The following NT5C3B variants were observed in gnomAD, a reference collection of about 807,000 sequenced individuals.
The protein encoded by NT5C3B is 5'-nucleotidase, cytosolic IIIB, also known as 7-methylguanosine phosphate-specific 5'-nucleotidase.
Under a neutral mutation model 32.5 loss-of-function variants are expected in NT5C3B, and 28 were observed. The ratio of observed to expected loss-of-function variants is 0.86; its 90% CI spans 0.64 to 1.18. NT5C3B has a LOEUF of 1.18. Among genes scored for constraint, NT5C3B ranks in the 50% most tolerant of loss-of-function variants. The pLI is 0.00. For synonymous variants in NT5C3B, 138 were observed against 118.0 expected (o/e 1.17, Z -1.10); for missense variants, 317 against 322.0 (o/e 0.98, Z 0.12).
rs182837457 is a variant in NT5C3B, at chr17:41,833,945, C to G, written c.228+1125G>C. ...ATTGACCAAGTAAAGAATTTTAATA[C>G]ATGCATGATTCTCAGGAACATTACA... is the stretch of plus-strand genomic sequence containing the variant. On this transcript the variant is annotated intron_variant, in intron 4 of 8. Coordinates refer to ENST00000435506, the MANE Select transcript of NT5C3B (RefSeq NM_052935.5). 1.4e-3 allele frequency among the ~76,000 whole-genome samples: 208 copies of G among 152,304 alleles called. 1 individual carries two copies. The highest frequency in any genetic ancestry group is 4.5e-3 in the African/African-American group (189 of 41,564).
In NT5C3B at chr17:41,835,721, C is replaced by G; in HGVS notation, c.111+138G>C. 3.3e-6 allele frequency: 3 copies of G among 910,666 alleles called. No individual in the cohort carries two copies. In the South Asian group the frequency reaches 4.2e-5, roughly 13 times the overall value. The allele number at this position is 910,666 out of a possible 1,614,324, so 56.4% of individuals were successfully genotyped here. A position where few individuals can be genotyped will look rare whatever the true frequency, so the allele number is the denominator to read the frequency against. Reference sequence around the variant, plus strand: ...TTTAGGACAGGCGAACCAACCCGCTCTCCTTCAAGCTCCCGGCCATTTCTT... The same window carrying G: ...TTTAGGACAGGCGAACCAACCCGCTGTCCTTCAAGCTCCCGGCCATTTCTT... On this transcript the variant is annotated intron_variant, in intron 2 of 8. Transcript: ENST00000435506.
At chr17:41,826,312 C>T (rs1206459181) in intron 8 of NT5C3B, among the ~76,000 whole-genome samples, 1 of 152,012 alleles carries the variant, frequency 6.6e-6, no homozygotes, top group Non-Finnish European at 1.5e-5. Context: ...CAGCTTCAAC[C>T]TCCTGGACTC....
Position 41,834,780 on chromosome 17 carries a change from G to A in NT5C3B, c.228+290C>T, listed in dbSNP as rs929627318. Among the ~76,000 whole-genome samples the A allele has an allele frequency of 2.6e-5, 4 of 152,228 alleles. No individual in the cohort carries two copies. In the South Asian group the frequency reaches 8.3e-4, roughly 32 times the overall value. ...AACAAACAAACAAGCTCTGCCATTT[G>A]GCTGTATGACCCTGGGTAAGTTGCT... On this transcript the variant is annotated intron_variant, in intron 4 of 8. Transcript: ENST00000435506.
intron 2 of NT5C3B, chr17:41,835,590 G>A (rs1206725932): frequency 3.1e-6 from 2 of 655,470 alleles, no homozygotes; most frequent in South Asian, 1.5e-5. Context: ...CAACTTACTG[G>A]GGAGCCGCTG....
intron 1 of NT5C3B, 90 bp from the exon 2 acceptor site, chr17:41,836,047 G>A: frequency 7.1e-7 from 1 of 1,413,544 alleles, no homozygotes. Flanking sequence ...GTGTGAGGCG[G>A]GGCCGGGGTG....
chr17:41,836,016 C>T (rs1044537430), intron 1 of NT5C3B, 59 bp from the exon 2 acceptor site: 8 of 1,467,144 alleles, frequency 5.5e-6, no homozygotes, highest in African/African-American at 1.5e-5. Flanking sequence ...CGAGGGGAGC[C>T]CGGGGCTCGC....
intron 8 of NT5C3B, 113 bp downstream of exon 8, chr17:41,827,313 T>A (rs537769428): frequency 2.1e-6 from 1 of 483,006 alleles, no homozygotes; most frequent in East Asian, 3.5e-5. Context: ...AAAAATAAAA[T>A]AAAATAAAAT....
chr17:41,826,929 G>A (rs561148303), intron 8 of NT5C3B, among the ~76,000 whole-genome samples: 24 of 150,484 alleles, frequency 1.6e-4, no homozygotes, highest in African/African-American at 5.4e-4. Context: ...GAACCTGGGA[G>A]GTGGAAGTTG....
intron 7 of NT5C3B, chr17:41,828,400 T>G (rs2047999320): frequency 6.0e-6 from 1 of 166,260 alleles, no homozygotes; most frequent in Non-Finnish European, 1.3e-5. Flanking sequence ...TGCAGTGGTG[T>G]GATCTTGGCT....
At position 41,835,216 on chromosome 17, in the gene NT5C3B, G is replaced by A. The variant is rs2048126310; in HGVS notation, c.168C>T (p.Cys56=). 1 of 1,614,070 alleles carries A rather than the reference G, an allele frequency of 6.2e-7. No individual in the cohort carries two copies. The highest frequency in any genetic ancestry group is 8.5e-7 in the Non-Finnish European group (1 of 1,179,942). ...LSRFAYNGKR[C]PSSYNILDNS... is the part of the protein sequence containing the mutation. ...AATGTGACTTACTGTAAGAAGAAGGGCATCGCTTTCCATTATATGCAAACC... is the reference window on the plus strand; with the variant it reads ...AATGTGACTTACTGTAAGAAGAAGGACATCGCTTTCCATTATATGCAAACC... Residue 56 remains cysteine, a synonymous_variant, in exon 3 of 9, where the codon TGC becomes TGT. Transcript: ENST00000435506.
chr17:41,836,092 C>A, intron 1 of NT5C3B, 90 bp downstream of exon 1: 1 of 1,342,902 alleles, frequency 7.4e-7, no homozygotes, highest in Non-Finnish European at 9.6e-7. Context: ...GGTGAAGCGG[C>A]GGTGCCTCGG....
In NT5C3B at chr17:41,825,326, G is replaced by A. The variant is rs1555617937; in HGVS notation, c.*197C>T. 3.5e-6 allele frequency: 2 copies of A among 570,362 alleles called. No individual in the cohort carries two copies. Among genetic ancestry groups the A allele is most frequent in the African/African-American group, 3.7e-5 (2 of 53,482 alleles). 35.3% of individuals were successfully genotyped at this position (570,362 alleles called of 1,614,324 possible). A position where few individuals can be genotyped will look rare whatever the true frequency, so the allele number is the denominator to read the frequency against. ...TGGTCCAAGGTTCACCAGGAACAGTGCCTGTGCCCTGCCACATGGCGGGGT... is the reference window on the plus strand; with the variant it reads ...TGGTCCAAGGTTCACCAGGAACAGTACCTGTGCCCTGCCACATGGCGGGGT... On this transcript the variant is annotated 3_prime_UTR_variant, in exon 9 of 9. Transcript: ENST00000435506.
intron 2 of NT5C3B, 59 bp downstream of exon 2, chr17:41,835,800 G>T: frequency 6.8e-7 from 1 of 1,478,828 alleles, no homozygotes; most frequent in Non-Finnish European, 9.2e-7. Context: ...AGGCCCAATG[G>T]GCAGGAAGCC....
chr17:41,827,465 AC>A lies in NT5C3B; in HGVS notation c.728del (p.Gly243ValfsTer11). 1.1e-6 allele frequency: 1 copy of A among 872,944 alleles called. No homozygotes were observed. Among genetic ancestry groups the A allele is most frequent in the Non-Finnish European group, 2.0e-6 (1 of 501,688 alleles). 54.1% of individuals were successfully genotyped at this position (872,944 alleles called of 1,614,324 possible). A position where few individuals can be genotyped will look rare whatever the true frequency, so the allele number is the denominator to read the frequency against. On this transcript the variant is annotated frameshift_variant, in exon 8 of 9. Coordinates refer to ENST00000435506, the MANE Select transcript of NT5C3B (RefSeq NM_052935.5). LOFTEE classifies it high-confidence loss of function. The stretch of plus-strand genomic sequence containing the variant: ...AGCCAATTTTGAGAATGTTCTGCAC[AC>A]CAGGAACCCCATCGGCCATGGTGAG... ...GDLTMADGVPGVQNILKIGFL... is the reference protein window; with the variant it reads ...GDLTMADGVPXVQNILKIGFL...
chr17:41,834,138 G>A (rs1421273903), intron 4 of NT5C3B, among the ~76,000 whole-genome samples: 2 of 152,118 alleles, frequency 1.3e-5, no homozygotes, highest in Non-Finnish European at 2.9e-5. Flanking sequence ...GCTCATGCCT[G>A]TAATCTCAGC....
chr17:41,831,012 T>C, intron 5 of NT5C3B, 122 bp from the exon 6 acceptor site: 1 of 696,142 alleles, frequency 1.4e-6, no homozygotes, highest in Non-Finnish European at 2.6e-6. Context: ...ATCCTTACGT[T>C]AGCTGCCCTT....
intron 4 of NT5C3B, 63 bp downstream of exon 4, chr17:41,835,007 A>G (rs535926264): frequency 6.7e-5 from 100 of 1,486,604 alleles, no homozygotes; most frequent in Middle Eastern, 5.1e-4. Flanking sequence ...TTTGGTTCCA[A>G]TCAGGAACCA....
chr17:41,828,711 G>A (rs2048003779), intron 7 of NT5C3B, 79 bp downstream of exon 7: 1 of 1,301,118 alleles, frequency 7.7e-7, no homozygotes, highest in Non-Finnish European at 1.1e-6. Flanking sequence ...CCCCAGGTTA[G>A]GGTTCATGCA....
In NT5C3B at chr17:41,833,668, A is replaced by G. The variant is rs374515248; in HGVS notation, c.229-1191T>C. 2.0e-4 allele frequency among the ~76,000 whole-genome samples: 30 copies of G among 152,228 alleles called. 1 individual carries two copies. The South Asian group carries it at 5.2e-3, about 26-fold the overall frequency. On this transcript the variant is annotated intron_variant, in intron 4 of 8. Transcript: ENST00000435506. ...TTTTTAAAAGCAGGCCAATTTAGAG[A>G]AAGATTTAGTAAAGGTGATATACAG...
Sources: allele counts gnomAD v4.1 joint callset (sites outside exome capture counted in the v4.1 genomes callset), GRCh38; gene constraint gnomAD v4.1.1; transcripts MANE v1.5; gene names NCBI Gene and HGNC (gene_info 2026-07-23, HGNC 2026-07-21).